Variants in UGT2B4 observed in about 807,000 individuals in gnomAD.
UGT2B4 encodes UDP glucuronosyltransferase family 2 member B4, also known as UDP-glucuronosyltransferase 2B4.
In UGT2B4, 49 loss-of-function variants were observed where a neutral mutation model predicts 49.8. The ratio of observed to expected loss-of-function variants is 0.98; its 90% CI spans 0.78 to 1.25. The LOEUF (loss-of-function observed/expected upper bound fraction) is 1.25. Ranked by LOEUF, UGT2B4 falls within the 50% of genes most tolerant of loss-of-function variation. UGT2B4 has a pLI of 0.00. For synonymous variants in UGT2B4, 246 were observed against 217.7 expected (o/e 1.13, Z -1.14); for missense variants, 729 against 627.7 (o/e 1.16, Z -1.73).
At chr4:69,499,451 T>C (rs1470262553), upstream of UGT2B4, among the ~76,000 whole-genome samples, 1 of 152,184 alleles carries the variant, frequency 6.6e-6, no homozygotes, top group African/African-American at 2.4e-5. Flanking sequence ...TGTCTAATAT[T>C]GACAGTGGGG....
chr4:69,504,058 T>C (rs1019835969), intron 1 of UGT2B4, among the ~76,000 whole-genome samples: 2 of 151,926 alleles, frequency 1.3e-5, no homozygotes, highest in Non-Finnish European at 2.9e-5. Flanking sequence ...TTAAATAAGA[T>C]AAAAAAGAAA....
chr4:69,493,666 C>A, intron 2 of UGT2B4, 27 bp downstream of exon 2: 1 of 1,586,266 alleles, frequency 6.3e-7, no homozygotes, highest in Non-Finnish European at 8.5e-7. Context: ...AACTTCAAAG[C>A]AGACAAAACA....
chr4:69,495,047 C>A, intron 1 of UGT2B4, 94 bp downstream of exon 1: 1 of 1,135,596 alleles, frequency 8.8e-7, no homozygotes, highest in Non-Finnish European at 1.2e-6. Context: ...TACAAAAATA[C>A]CCCACTACCC....
At chr4:69,500,602 CAAGGAAGAAAGAAAGAAAGAAAGAAAGA>C (rs1728281852), upstream of UGT2B4, among the ~76,000 whole-genome samples, 10 of 47,336 alleles carry the variant, frequency 2.1e-4, no homozygotes, top group African/African-American at 8.1e-4. Context: ...AGCAAGAAAG[CAAGGAAGAAAGAAAGAAAGAAAGAAAGA>C]AAGAAAGAAA....
In UGT2B4 at chr4:69,489,579, A is replaced by G. The variant is rs1370757979; in HGVS notation, c.871-9T>C. 1 of 1,601,140 alleles carries G rather than the reference A, an allele frequency of 6.2e-7. No homozygotes were observed. Among genetic ancestry groups the G allele is most frequent in the Non-Finnish European group, 8.5e-7 (1 of 1,175,252 alleles). ...ACAAACTCTTCCATTTCCTGTGAAA[A>G]AAAAGAATTTGTTCTATCATAATAG... On this transcript the variant is annotated splice_polypyrimidine_tract_variant and intron_variant, in intron 2 of 5. Transcript: ENST00000305107.
intron 1 of UGT2B4, among the ~76,000 whole-genome samples, chr4:69,520,224 T>G (rs1425540652): frequency 6.6e-6 from 1 of 152,224 alleles, no homozygotes; most frequent in Admixed American, 6.5e-5. Context: ...ATGACTGATT[T>G]TAATTCAAAA....
intron 1 of UGT2B4, among the ~76,000 whole-genome samples, chr4:69,524,706 A>AG (rs1352694790): frequency 1.3e-5 from 2 of 151,862 alleles, no homozygotes; most frequent in Non-Finnish European, 1.5e-5. Context: ...TATGAGAAAA[A>AG]AAAACCCAAA....
At chr4:69,510,174 T>C (rs895368136) in intron 1 of UGT2B4, among the ~76,000 whole-genome samples, 1 of 152,178 alleles carries the variant, frequency 6.6e-6, no homozygotes, top group Non-Finnish European at 1.5e-5. Flanking sequence ...TTTGTGGCTT[T>C]ATTTTTGGGC....
chr4:69,517,768 ACT>A (rs974667551), intron 1 of UGT2B4: 1 of 167,816 alleles, frequency 6.0e-6, no homozygotes, highest in Admixed American at 6.5e-5. Context: ...TGTATTTTTT[ACT>A]CTTTCCAGAA....
In UGT2B4 at chr4:69,495,410, T is replaced by C. The variant is rs375029623; in HGVS notation, c.452A>G (p.Asp151Gly). Residue 151 changes from aspartate to glycine, a missense_variant, in exon 1 of 6, where the codon GAT becomes GGT. Physicochemically the swap from Asp to Gly is moderately conservative, Grantham distance 94. Transcript: ENST00000305107. Reference protein sequence around the residue: ...QESRFDVVLADAVFPFGELLA... With the variant: ...QESRFDVVLAGAVFPFGELLA... ...CAGCTCACCAAAGGGGAAAACAGCA[T>C]CTGCAAGAACAACATCAAATCTTGA... is the stretch of plus-strand genomic sequence containing the variant. The C allele has an allele frequency of 3.6e-5, 58 of 1,613,874 alleles. No individual in the cohort carries two copies. Among genetic ancestry groups the C allele is most frequent in the Non-Finnish European group, 4.9e-5 (58 of 1,179,970 alleles).
chr4:69,481,082 T>A (rs1415056341), intron 5 of UGT2B4, among the ~76,000 whole-genome samples, 172 bp from the exon 6 acceptor site: 1 of 37,866 alleles, frequency 2.6e-5, no homozygotes. Context: ...CCGTCTCCAG[T>A]AAAAATATGA....
intron 1 of UGT2B4, among the ~76,000 whole-genome samples, chr4:69,517,343 T>A (rs1384935408): frequency 6.6e-6 from 1 of 152,084 alleles, no homozygotes; most frequent in Non-Finnish European, 1.5e-5. Context: ...ATGACAGATA[T>A]AAGAATGATG....
Position 69,504,745 on chromosome 4 carries a change from A to G in UGT2B4, c.-105-8779T>C, listed in dbSNP as rs150620652. On this transcript the variant is annotated intron_variant, in intron 1 of 1. Transcript: ENST00000510114. ...ACCAACATTCAAATTCAGAAAATGC[A>G]GAGAACCCCAGTAAGATACTCCATG... 2.8e-3 allele frequency among the ~76,000 whole-genome samples: 432 copies of G among 152,260 alleles called. 2 individuals are homozygous for G. Among genetic ancestry groups the G allele is most frequent in the African/African-American group, 9.9e-3 (410 of 41,566 alleles).
rs1727553951 is a variant in UGT2B4, at chr4:69,480,606, G to T, written c.*28C>A. ...TAAACTAAAGGAGTTCATTTATTGG[G>T]TTTCCCAGCTTCCAGCCTCAGACGT... On this transcript the variant is annotated 3_prime_UTR_variant, in exon 6 of 6. Transcript: ENST00000305107. The T allele has an allele frequency of 6.2e-7, 1 of 1,605,220 alleles. No individual in the cohort carries two copies. The highest frequency in any genetic ancestry group is 8.5e-7 in the Non-Finnish European group (1 of 1,174,916).
rs773176787 is a variant in UGT2B4 at position 69,495,215 on chromosome 4, T to C, written c.647A>G (p.Tyr216Cys). The change falls in exon 1 of 6, where the codon TAT becomes TGT. Residue 216 changes from tyrosine (Y) to cysteine (C), a missense_variant. Coordinates refer to ENST00000305107, the MANE Select transcript of UGT2B4 (RefSeq NM_021139.3). ...TFIERVKNMI[Y>C]VLYFEFWFQI... is the part of the protein sequence containing the mutation. ...GAACCAAAATTCAAAATAAAGCACA[T>C]AGATCATATTTTTTACCCTCTCTAT... 6.8e-6 allele frequency: 11 copies of C among 1,607,296 alleles called. No individual in the cohort carries two copies. In the South Asian group the frequency reaches 8.9e-5, roughly 13 times the overall value.
At position 69,486,537 on chromosome 4, in the gene UGT2B4, G is replaced by A. The variant is rs961217746; in HGVS notation, c.1090+72C>T. ...TCCATAACAAATGTTCAGTAAGCTTGTTTCATGATAACTATTAACACTTTA... is the reference window on the plus strand; with the variant it reads ...TCCATAACAAATGTTCAGTAAGCTTATTTCATGATAACTATTAACACTTTA... On this transcript the variant is annotated intron_variant, in intron 4 of 5. Coordinates refer to ENST00000305107, the MANE Select transcript of UGT2B4 (RefSeq NM_021139.3). 1.1e-5 allele frequency: 11 copies of A among 1,025,336 alleles called. No individual in the cohort carries two copies. The East Asian group carries it at 2.3e-4, about 21-fold the overall frequency. 63.5% of individuals were successfully genotyped at this position (1,025,336 alleles called of 1,614,324 possible).
At chr4:69,487,566 G>A (rs1210044612) in intron 3 of UGT2B4, among the ~76,000 whole-genome samples, 2 of 151,994 alleles carry the variant, frequency 1.3e-5, no homozygotes, top group African/African-American at 4.8e-5. Flanking sequence ...CATATAGAGA[G>A]GAATAACATA....
intron 1 of UGT2B4, among the ~76,000 whole-genome samples, chr4:69,502,137 CTTTCTTTCTTTCTCTT>C (rs1329324142): frequency 1.6e-4 from 19 of 121,232 alleles, no homozygotes; most frequent in Admixed American, 4.5e-4. Context: ...TTCTTTCTTT[CTTTCTTTCTTTCTCTT>C]TCTTTCTTTC....
At chr4:69,483,054 A>C (rs1185651727) in intron 5 of UGT2B4, among the ~76,000 whole-genome samples, 1 of 152,194 alleles carries the variant, frequency 6.6e-6, no homozygotes, top group Non-Finnish European at 1.5e-5. Flanking sequence ...AGGCTTACAA[A>C]TTTATACATA....
Sources: allele counts gnomAD v4.1 joint callset (sites outside exome capture counted in the v4.1 genomes callset), GRCh38; gene constraint gnomAD v4.1.1; transcripts MANE v1.5; gene names NCBI Gene and HGNC (gene_info 2026-07-23, HGNC 2026-07-21).